The following RAD23B variants were observed in gnomAD, a reference collection of about 807,000 sequenced individuals.
The protein encoded by RAD23B is lysine-specific demethylase RAD23B.
RAD23B carries 5 observed loss-of-function variants against 49.1 expected under a neutral mutation model. The observed-to-expected ratio is 0.10, with a 90% CI of 0.05 to 0.21. RAD23B has a LOEUF of 0.21. RAD23B is among the 10% of genes least tolerant of loss of function. The probability of loss-of-function intolerance (pLI) is 1.00; values close to 1 mark genes in which losing one functional copy is unlikely to be tolerated. For missense variants in RAD23B, 356 were observed against 486.7 expected, an observed-to-expected ratio of 0.73 and a Z score of 2.53; for synonymous variants, 184 against 165.4, an observed-to-expected ratio of 1.11 and a Z score of -0.86.
intron 3 of RAD23B, among the ~76,000 whole-genome samples, chr9:107,302,366 C>G (rs1252580507): frequency 2.0e-5 from 3 of 151,858 alleles, no homozygotes; most frequent in Non-Finnish European, 4.4e-5. Context: ...AATAAAATGT[C>G]ATGTTAAAAT....
chr9:107,307,995 C>T (rs569074289), intron 4 of RAD23B, among the ~76,000 whole-genome samples: 1 of 152,180 alleles, frequency 6.6e-6, no homozygotes, highest in South Asian at 2.1e-4. Flanking sequence ...TTGATCAGGT[C>T]TGTATATGAG....
intron 5 of RAD23B, among the ~76,000 whole-genome samples, chr9:107,316,645 G>A (rs189013068): frequency 3.9e-5 from 6 of 152,074 alleles, no homozygotes; most frequent in African/African-American, 1.4e-4. Context: ...TAATCTGTTT[G>A]TGATATTTGG....
chr9:107,329,894 CT>C lies in RAD23B; in HGVS notation c.*242del, dbSNP rs978199500. 3 of 285,008 alleles carry C rather than the reference CT, an allele frequency of 1.1e-5. No individual in the cohort carries two copies. The highest frequency in any genetic ancestry group is 1.9e-5 in the Non-Finnish European group (3 of 154,522). The allele number at this position is 285,008 out of a possible 1,614,324, so 17.7% of individuals were successfully genotyped here. A position where few individuals can be genotyped will look rare whatever the true frequency, so the allele number is the denominator to read the frequency against. The stretch of plus-strand genomic sequence containing the variant: ...TAAAATATATACAACCAAAAATCAG[CT>C]TTTGCAGGTCTTTATTTCTTCTGTA... On this transcript the variant is annotated 3_prime_UTR_variant, in exon 10 of 10. Transcript: ENST00000358015.
At position 107,287,235 on chromosome 9, in the gene RAD23B, T is replaced by TAA. The variant is rs11382139; in HGVS notation, c.66+3547_66+3548dup. On this transcript the variant is annotated intron_variant, in intron 1 of 9. Transcript: ENST00000358015. ...AGATTTAGGAATAAACCTTTTGAGA[T>TAA]AAAAAAAATACAGTGCAGTATTTTA... Among the ~76,000 whole-genome samples, 397 of 151,702 alleles carry TAA rather than the reference T, an allele frequency of 2.6e-3. 8 individuals carry two copies. In the South Asian group the frequency reaches 0.037, roughly 14 times the overall value.
intron 4 of RAD23B, among the ~76,000 whole-genome samples, chr9:107,309,847 C>T (rs1257673575): frequency 6.8e-6 from 1 of 146,518 alleles, no homozygotes; most frequent in African/African-American, 2.5e-5. Context: ...AGGAGAATGG[C>T]GTGAACCCGG....
At chr9:107,299,999 A>T in intron 1 of RAD23B, 142 bp from the exon 2 acceptor site, 1 of 1,093,492 alleles carries the variant, frequency 9.1e-7, no homozygotes, top group Non-Finnish European at 1.3e-6. Flanking sequence ...TTTTTGATAT[A>T]AATTGGAAAA....
In RAD23B at chr9:107,306,399, A is replaced by C; in HGVS notation, c.249A>C (p.Pro83=). The part of the protein sequence containing the change: ...MVTKPKAVST[P]APATTQQSAP... ...TTTAGCCCAAAGCAGTGTCCACACC[A>C]GCACCAGCTACAACTCAGCAGTCAG... The change falls in exon 4 of 10, where the codon CCA becomes CCC. Residue 83 remains proline (P), a synonymous_variant. Transcript: ENST00000358015. 6.2e-7 allele frequency: 1 copy of C among 1,614,158 alleles called. No homozygotes were observed.
chr9:107,299,547 C>T (rs1391401494), intron 1 of RAD23B, among the ~76,000 whole-genome samples: 2 of 152,168 alleles, frequency 1.3e-5, no homozygotes, highest in Non-Finnish European at 2.9e-5. Flanking sequence ...TGTTTAAGAG[C>T]ATTGAAGTTG....
chr9:107,308,546 G>T (rs1564246635), intron 4 of RAD23B, among the ~76,000 whole-genome samples: 1 of 152,042 alleles, frequency 6.6e-6, no homozygotes, highest in Non-Finnish European at 1.5e-5. Flanking sequence ...TTTTCTTCCT[G>T]GAGTTGCAGT....
intron 4 of RAD23B, 61 bp downstream of exon 4, chr9:107,306,708 A>G (rs2133080331): frequency 6.6e-7 from 1 of 1,507,016 alleles, no homozygotes; most frequent in East Asian, 2.3e-5. Flanking sequence ...AACTTCATGC[A>G]TTTATTTTGA....
intron 4 of RAD23B, among the ~76,000 whole-genome samples, chr9:107,310,558 A>C (rs1453585748): frequency 6.6e-6 from 1 of 152,218 alleles, no homozygotes; most frequent in East Asian, 1.9e-4. Context: ...ATTCTTTTAA[A>C]TAGAAATTGG....
chr9:107,299,805 C>G (rs1229252278), intron 1 of RAD23B, among the ~76,000 whole-genome samples: 1 of 152,074 alleles, frequency 6.6e-6, no homozygotes, highest in East Asian at 1.9e-4. Flanking sequence ...TTTAGGTGAT[C>G]AAGCTTTACT....
chr9:107,326,070 T>A (rs1827196936), intron 9 of RAD23B, among the ~76,000 whole-genome samples: 1 of 152,228 alleles, frequency 6.6e-6, no homozygotes, highest in Non-Finnish European at 1.5e-5. Context: ...GAGATAAATT[T>A]TACTGGTTAC....
At chr9:107,290,310 C>T (rs562431168) in intron 1 of RAD23B, among the ~76,000 whole-genome samples, 1 of 152,318 alleles carries the variant, frequency 6.6e-6, no homozygotes, top group African/African-American at 2.4e-5. Flanking sequence ...GTGTGAAGGA[C>T]ATCACTCCAT....
At chr9:107,315,734 G>C (rs1013924693) in intron 5 of RAD23B, among the ~76,000 whole-genome samples, 13 of 151,844 alleles carry the variant, frequency 8.6e-5, no homozygotes, top group African/African-American at 2.9e-4. Context: ...GGCTGGTCTC[G>C]AACTCCTGAT....
chr9:107,289,586 T>G (rs10816484), intron 1 of RAD23B, among the ~76,000 whole-genome samples: 1 of 152,036 alleles, frequency 6.6e-6, no homozygotes, highest in Non-Finnish European at 1.5e-5. Context: ...TGCAGTAGTT[T>G]TAAGTAATTG....
intron 9 of RAD23B, among the ~76,000 whole-genome samples, chr9:107,328,570 A>AGGAGAC (rs145857305): frequency 0.059 from 8,964 of 152,266 alleles, 377 homozygotes; most frequent in South Asian, 0.12. Flanking sequence ...CTGATACAAC[A>AGGAGAC]GGAGACGGAG....
At position 107,283,554 on chromosome 9, in the gene RAD23B, GC is replaced by G; in HGVS notation, c.-72del. The G allele has an allele frequency of 1.7e-6, 2 of 1,184,696 alleles. No individual in the cohort carries two copies. Among genetic ancestry groups the G allele is most frequent in the South Asian group, 2.0e-5 (1 of 48,996 alleles). The allele number at this position is 1,184,696 out of a possible 1,614,324, so 73.4% of individuals were successfully genotyped here. ...CGCGAGGAGCGCGGGCGACCCCGGG[GC>G]CCCGCCAGGCCACAGACCCCGCCCA... On this transcript the variant is annotated 5_prime_UTR_variant, in exon 1 of 10. Coordinates refer to ENST00000358015, the MANE Select transcript of RAD23B (RefSeq NM_002874.5).
chr9:107,327,159 G>A (rs1470861543), intron 9 of RAD23B, among the ~76,000 whole-genome samples: 1 of 152,004 alleles, frequency 6.6e-6, no homozygotes, highest in South Asian at 2.1e-4. Context: ...TTAGCTAAAG[G>A]TTTTAATTTT....
Sources: gnomAD v4.1 joint callset for allele counts (sites outside exome capture counted in the v4.1 genomes callset) on GRCh38, gnomAD v4.1.1 for gene constraint, MANE v1.5 for transcripts, NCBI Gene and HGNC (gene_info 2026-07-23, HGNC 2026-07-21) for gene names.